The following LARP4B variants were observed in gnomAD, a reference collection of about 807,000 sequenced individuals.
LARP4B encodes La ribonucleoprotein 4B.
LARP4B carries 12 observed loss-of-function variants against 89.8 expected under a neutral mutation model. The observed-to-expected ratio is 0.13, with a 90% CI of 0.09 to 0.22. The LOEUF is 0.22. Among genes scored for constraint, LARP4B ranks in the 10% least tolerant of loss-of-function variants. The pLI is 1.00. For synonymous variants in LARP4B, 367 were observed against 363.3 expected, an observed-to-expected ratio of 1.01 and a Z score of -0.12; for missense variants, 757 against 947.7, an observed-to-expected ratio of 0.80 and a Z score of 2.64.
intron 5 of LARP4B, among the ~76,000 whole-genome samples, chr10:847,204 T>A (rs1039056264): frequency 2.0e-5 from 3 of 152,068 alleles, no homozygotes; most frequent in South Asian, 2.1e-4. Flanking sequence ...TGGCTTCACC[T>A]AAGATGAGAG....
At chr10:932,532 A>AC (rs1213094757), upstream of LARP4B, among the ~76,000 whole-genome samples, 29 of 53,972 alleles carry the variant, frequency 5.4e-4, 2 homozygotes, top group African/African-American at 2.0e-3. Context: ...CGAAGGCCCC[A>AC]CCGGGGACCC....
chr10:840,214 C>T (rs1431685059), intron 7 of LARP4B, among the ~76,000 whole-genome samples: 2 of 152,094 alleles, frequency 1.3e-5, no homozygotes, highest in Admixed American at 6.5e-5. Flanking sequence ...ACGAAATGTA[C>T]ACTTAGAATG....
chr10:818,967 T>C (rs1272537801), intron 14 of LARP4B: 1 of 152,252 alleles, frequency 6.6e-6, no homozygotes, highest in East Asian at 1.9e-4. Flanking sequence ...CCAGTCTGTG[T>C]TGGGCATTCC....
chr10:949,933 G>A, the LARP4B span, among the ~76,000 whole-genome samples: 2 of 152,088 alleles, frequency 1.3e-5, no homozygotes, highest in Non-Finnish European at 2.9e-5. Context: ...GTGCCACCAC[G>A]CCCAGCTAAT....
Position 931,540 on chromosome 10 carries a change from A to T in LARP4B, c.-152T>A, listed in dbSNP as rs1830612307. The T allele has an allele frequency of 1.4e-5, 2 of 145,514 alleles. No individual in the cohort carries two copies. The highest frequency in any genetic ancestry group is 3.0e-5 in the Non-Finnish European group (2 of 66,068). The allele number at this position is 145,514 out of a possible 1,614,324, so 9.0% of individuals were successfully genotyped here. On this transcript the variant is annotated 5_prime_UTR_variant, in exon 1 of 18. Coordinates refer to ENST00000316157, the MANE Select transcript of LARP4B (RefSeq NM_015155.3). ...CGGCGAGGAGAGAGACGGCAGGGAG[A>T]GGCGGCGCGGCCGGGCCGGGCCGGG...
chr10:973,061 C>T, the LARP4B span: 2 of 367,044 alleles, frequency 5.4e-6, no homozygotes, highest in Non-Finnish European at 1.1e-5. Flanking sequence ...CACTCAGTGC[C>T]CACTCAGCTG....
In LARP4B at chr10:836,487, C is replaced by T; in HGVS notation, c.666G>A (p.Val222=). ...GCCTTACTTTTTCTCCCTTTTCATC[C>T]ACTTGGACTAAAGGTAAAGCTACAA... ...EVLRSLPLVQ[V]DEKGEKVRPN... The change falls in exon 8 of 18, where the codon GTG becomes GTA. Residue 222 remains valine (V), a synonymous_variant. Transcript: ENST00000316157. The T allele has an allele frequency of 6.2e-7, 1 of 1,610,844 alleles. No homozygotes were observed. The highest frequency in any genetic ancestry group is 8.5e-7 in the Non-Finnish European group (1 of 1,177,364).
At chr10:880,522 C>G (rs199841355) in intron 3 of LARP4B, among the ~76,000 whole-genome samples, 1 of 152,058 alleles carries the variant, frequency 6.6e-6, no homozygotes, top group South Asian at 2.1e-4. Context: ...CCCATCTCTA[C>G]GAAAAATACA....
chr10:950,717 T>G, the LARP4B span, among the ~76,000 whole-genome samples: 1 of 152,366 alleles, frequency 6.6e-6, no homozygotes, highest in Non-Finnish European at 1.5e-5. Flanking sequence ...TGTACATGTC[T>G]TAGATTTATA....
chr10:963,321 T>A, the LARP4B span, among the ~76,000 whole-genome samples: 5 of 152,214 alleles, frequency 3.3e-5, no homozygotes, highest in African/African-American at 7.2e-5. Flanking sequence ...CCCCATCATC[T>A]TCTTTCTTGG....
the LARP4B span, among the ~76,000 whole-genome samples, chr10:975,958 T>C: frequency 3.4e-4 from 49 of 145,510 alleles, no homozygotes; most frequent in African/African-American, 1.3e-3. Flanking sequence ...GTGCAACGTG[T>C]GGACCCGGCC....
At chr10:815,259 C>T (rs1014178995) in intron 15 of LARP4B, 189 bp from the exon 16 acceptor site, 35 of 475,290 alleles carry the variant, frequency 7.4e-5, no homozygotes, top group Non-Finnish European at 1.1e-4. Context: ...GCCCACCCTT[C>T]TCTTTCTCGG....
chr10:926,357 AT>A (rs552258508), intron 1 of LARP4B, among the ~76,000 whole-genome samples: 158 of 152,328 alleles, frequency 1.0e-3, no homozygotes, highest in African/African-American at 3.6e-3. Flanking sequence ...TATTTTAAAA[AT>A]TTTTTTAAAG....
the LARP4B span, among the ~76,000 whole-genome samples, chr10:945,839 G>C: frequency 6.6e-6 from 1 of 152,198 alleles, no homozygotes; most frequent in Non-Finnish European, 1.5e-5. Context: ...GTAAGGGTGG[G>C]GCCCTGATCC....
chr10:960,225 A>G, the LARP4B span, among the ~76,000 whole-genome samples: 1 of 152,128 alleles, frequency 6.6e-6, no homozygotes, highest in South Asian at 2.1e-4. Context: ...AGTGATTGCC[A>G]GGGGTTGACA....
At chr10:916,514 G>A (rs1367216818) in intron 1 of LARP4B, among the ~76,000 whole-genome samples, 2 of 152,110 alleles carry the variant, frequency 1.3e-5, no homozygotes, top group Non-Finnish European at 2.9e-5. Flanking sequence ...TGACCAACAC[G>A]GAGAAACCCC....
chr10:936,909 AAAAG>A, the LARP4B span, among the ~76,000 whole-genome samples: 1 of 152,250 alleles, frequency 6.6e-6, no homozygotes, highest in African/African-American at 2.4e-5. Context: ...CTGTGAGTAA[AAAAG>A]AACGCATGAG....
chr10:946,151 G>T, the LARP4B span, among the ~76,000 whole-genome samples: 1 of 152,206 alleles, frequency 6.6e-6, no homozygotes, highest in Non-Finnish European at 1.5e-5. Flanking sequence ...CGGAAAAAAG[G>T]TCTCTCTATG....
chr10:970,092 G>C, the LARP4B span, among the ~76,000 whole-genome samples: 1 of 152,218 alleles, frequency 6.6e-6, no homozygotes, highest in African/African-American at 2.4e-5. Context: ...CTGAGATGAA[G>C]TGTCGACACA....
Sources: allele counts gnomAD v4.1 joint callset (sites outside exome capture counted in the v4.1 genomes callset), GRCh38; gene constraint gnomAD v4.1.1; transcripts MANE v1.5; gene names NCBI Gene and HGNC (gene_info 2026-07-23, HGNC 2026-07-21).